GALK2: variants seen among roughly 807,000 people sequenced by gnomAD.
GALK2 encodes the protein N-acetylgalactosamine kinase.
Under a neutral mutation model 52.4 loss-of-function variants are expected in GALK2, and 36 were observed. That is an observed-to-expected ratio of 0.69 (90% CI 0.53 to 0.91). The LOEUF (loss-of-function observed/expected upper bound fraction) is 0.91, where lower values mean the gene tolerates loss of function less well. Among genes scored for constraint, GALK2 ranks in the 40% least tolerant of loss-of-function variants. The probability of loss-of-function intolerance (pLI) is 0.00; values close to 1 mark genes in which losing one functional copy is unlikely to be tolerated. For synonymous variants in GALK2, 176 were observed against 199.1 expected (o/e 0.88, Z 0.98); for missense variants, 579 against 559.1 (o/e 1.04, Z -0.36).
intron 4 of GALK2, among the ~76,000 whole-genome samples, chr15:49,236,794 G>T (rs1439791926): frequency 6.6e-6 from 1 of 152,182 alleles, no homozygotes; most frequent in East Asian, 1.9e-4. Flanking sequence ...GTTCCTTACT[G>T]CCTGGCAGTC....
At chr15:49,361,208 T>G (rs2044172641) in intron 3 of GALK2, among the ~76,000 whole-genome samples, 1 of 152,198 alleles carries the variant, frequency 6.6e-6, no homozygotes, top group Non-Finnish European at 1.5e-5. Context: ...AAAAATTAAT[T>G]TAAAAAACTT....
intron 1 of GALK2, among the ~76,000 whole-genome samples, chr15:49,174,700 G>C (rs1179907664): frequency 1.3e-5 from 2 of 151,892 alleles, no homozygotes; most frequent in African/African-American, 4.8e-5. Context: ...GTATTTGTAT[G>C]TATTTTTAAT....
intron 8 of GALK2, among the ~76,000 whole-genome samples, chr15:49,307,266 G>C (rs953642848): frequency 6.6e-6 from 1 of 152,112 alleles, no homozygotes; most frequent in Admixed American, 6.5e-5. Flanking sequence ...AACGGGGAGA[G>C]GATAGTGTCA....
Position 49,327,984 on chromosome 15 carries a change from G to A in GALK2, c.1202G>A (p.Gly401Glu), listed in dbSNP as rs766949973. 3.1e-6 allele frequency: 5 copies of A among 1,613,548 alleles called. No individual in the cohort carries two copies. The highest frequency in any genetic ancestry group is 2.2e-5 in the East Asian group (1 of 44,900). ...GGGGCTCAAGGGTCACGACTTACTG[G>A]AGCAGGATGGGGAGGCTGCACAGTA... is the stretch of plus-strand genomic sequence containing the variant. ...KFGAQGSRLT[G>E]AGWGGCTVSM... The change falls in exon 10 of 10, where the codon GGA becomes GAA. Residue 401 changes from glycine to glutamate, a missense_variant. Coordinates refer to ENST00000560031, the MANE Select transcript of GALK2 (RefSeq NM_002044.4).
At chr15:49,271,469 A>T (rs1259442134) in intron 5 of GALK2, among the ~76,000 whole-genome samples, 1 of 152,120 alleles carries the variant, frequency 6.6e-6, no homozygotes, top group African/African-American at 2.4e-5. Context: ...GGGGCTCCTG[A>T]ATTTTGGGAT....
At position 49,366,506 on chromosome 15, in the gene GALK2, G is replaced by T. The variant is rs1358696805; in HGVS notation, c.427-985G>T. The T allele has an allele frequency of 2.3e-6, 3 of 1,316,474 alleles. No individual in the cohort carries two copies. In the Admixed American group the frequency reaches 5.0e-5, roughly 22 times the overall value. The allele number at this position is 1,316,474 out of a possible 1,614,324, so 81.5% of individuals were successfully genotyped here. ...AGTCAGATTCATCAAACTAATGGAA[G>T]TTGCATTTTCTAGGGTACTTGGAAG... On this transcript the variant is annotated intron_variant, in intron 3 of 3. Coordinates refer to the GALK2 transcript ENST00000558399.
chr15:49,242,620 A>T (rs1421978504), intron 5 of GALK2, among the ~76,000 whole-genome samples: 2 of 152,334 alleles, frequency 1.3e-5, no homozygotes, highest in South Asian at 4.1e-4. Context: ...TGCAGATGGG[A>T]TATAATAAGT....
At chr15:49,348,359 T>C (rs1304601474) in intron 3 of GALK2, among the ~76,000 whole-genome samples, 3 of 152,214 alleles carry the variant, frequency 2.0e-5, no homozygotes, top group African/African-American at 7.2e-5. Flanking sequence ...TGAAACTTAA[T>C]TGAATATCTA....
chr15:49,245,382 A>G (rs561984042), intron 5 of GALK2, among the ~76,000 whole-genome samples: 2 of 152,296 alleles, frequency 1.3e-5, no homozygotes, highest in East Asian at 1.9e-4. Flanking sequence ...CCTCTATTTA[A>G]TCTTTTAGAT....
chr15:49,297,263 T>G (rs1414251661), intron 8 of GALK2, among the ~76,000 whole-genome samples: 1 of 152,232 alleles, frequency 6.6e-6, no homozygotes, highest in Non-Finnish European at 1.5e-5. Context: ...CTTTGCCCAT[T>G]TTTTAATGGA....
In GALK2 at chr15:49,330,968, A is replaced by G. The variant is rs2038607453; in HGVS notation, c.*2809A>G. ...AGAGTGAGACCCTGTTTCAACAACA[A>G]CAACAAAAATGAATAGTCCTGTTTG... On this transcript the variant is annotated 3_prime_UTR_variant, in exon 10 of 10. Coordinates refer to ENST00000560031, the MANE Select transcript of GALK2 (RefSeq NM_002044.4). The G allele has an allele frequency of 6.6e-6, 1 of 152,238 alleles. No homozygotes were observed. 9.4% of individuals were successfully genotyped at this position (152,238 alleles called of 1,614,324 possible).
intron 5 of GALK2, among the ~76,000 whole-genome samples, chr15:49,279,250 A>G (rs2032345688): frequency 6.6e-6 from 1 of 152,250 alleles, no homozygotes; most frequent in African/African-American, 2.4e-5. Flanking sequence ...CTTAACTACT[A>G]AAACTATTAG....
chr15:49,188,908 CA>C (rs370799323), intron 1 of GALK2, among the ~76,000 whole-genome samples: 1 of 152,228 alleles, frequency 6.6e-6, no homozygotes, highest in East Asian at 1.9e-4. Context: ...TTGGTTTTCA[CA>C]AAATAGCTTG....
chr15:49,206,699 C>G (rs761911913), intron 2 of GALK2, among the ~76,000 whole-genome samples: 1 of 152,040 alleles, frequency 6.6e-6, no homozygotes, highest in Non-Finnish European at 1.5e-5. Flanking sequence ...TATCTGGAAA[C>G]TTTGCTGAAT....
chr15:49,360,567 AACATAG>A (rs35514493), intron 3 of GALK2, among the ~76,000 whole-genome samples: 62,672 of 151,738 alleles, frequency 0.41, 13,050 homozygotes, highest in African/African-American at 0.43. Flanking sequence ...GGCTTATAAA[AACATAG>A]ACAAAGTATG....
intron 1 of GALK2, among the ~76,000 whole-genome samples, chr15:49,173,667 T>C (rs1036722231): frequency 8.5e-5 from 13 of 152,232 alleles, no homozygotes; most frequent in African/African-American, 2.9e-4. Flanking sequence ...TATTTGTTTT[T>C]TTTTACTTAC....
chr15:49,332,553 T>C (rs1302749712), downstream of GALK2, among the ~76,000 whole-genome samples: 1 of 151,938 alleles, frequency 6.6e-6, no homozygotes, highest in Non-Finnish European at 1.5e-5. Flanking sequence ...GGAGAAGCAA[T>C]GGTAGCTAGG....
chr15:49,271,355 G>C (rs8032650), intron 5 of GALK2, among the ~76,000 whole-genome samples: 41,873 of 151,802 alleles, frequency 0.28, 6,266 homozygotes, highest in East Asian at 0.43. Flanking sequence ...TGTGTTTGCT[G>C]ACTATTCCCT....
intron 5 of GALK2, among the ~76,000 whole-genome samples, chr15:49,274,970 AC>A (rs1296277877): frequency 3.3e-5 from 5 of 152,004 alleles, no homozygotes; most frequent in African/African-American, 1.2e-4. Context: ...TTTACAGTTA[AC>A]TTTTTTTTTT....
Sources: gnomAD v4.1 joint callset for allele counts (sites outside exome capture counted in the v4.1 genomes callset) on GRCh38, gnomAD v4.1.1 for gene constraint, MANE v1.5 for transcripts, NCBI Gene and HGNC (gene_info 2026-07-23, HGNC 2026-07-21) for gene names.